IL1R1: variants seen among roughly 807,000 people sequenced by gnomAD.
IL1R1 encodes the protein interleukin-1 receptor type 1.
A neutral mutation model predicts 50.2 loss-of-function variants in IL1R1; 22 were observed. That is an observed-to-expected ratio of 0.44 (90% confidence interval 0.31 to 0.63). The LOEUF (loss-of-function observed/expected upper bound fraction) is 0.63. IL1R1 is among the 20% of genes least tolerant of loss of function. The probability of loss-of-function intolerance (pLI) is 0.07; values close to 1 mark genes in which losing one functional copy is unlikely to be tolerated. For synonymous variants in IL1R1, 251 were observed against 236.7 expected (o/e 1.06, Z -0.55); for missense variants, 509 against 676.2 (o/e 0.75, Z 2.74).
intron 1 of IL1R1, among the ~76,000 whole-genome samples, chr2:102,131,290 A>T (rs1026215798): frequency 9.2e-5 from 14 of 152,226 alleles, no homozygotes; most frequent in African/African-American, 3.4e-4. Context: ...ATCCTAAGAC[A>T]CAAAAATATT....
At chr2:102,095,267 T>A (rs1679847913) in intron 1 of IL1R1, among the ~76,000 whole-genome samples, 1 of 152,202 alleles carries the variant, frequency 6.6e-6, no homozygotes. Flanking sequence ...CAACTTGTGT[T>A]ATGGCAAAAA....
At chr2:102,120,049 C>A (rs1172171416) in intron 1 of IL1R1, among the ~76,000 whole-genome samples, 4 of 152,140 alleles carry the variant, frequency 2.6e-5, no homozygotes, top group Admixed American at 2.0e-4. Flanking sequence ...CAAACCTCCC[C>A]CTGAGCTATC....
chr2:102,151,469 C>A (rs1394872281), intron 1 of IL1R1, among the ~76,000 whole-genome samples: 1 of 152,134 alleles, frequency 6.6e-6, no homozygotes, highest in Non-Finnish European at 1.5e-5. Flanking sequence ...TCCTTCCTTT[C>A]TTCCACAAGT....
intron 3 of IL1R1, among the ~76,000 whole-genome samples, chr2:102,160,125 A>G (rs1443703956): frequency 2.0e-5 from 3 of 152,194 alleles, no homozygotes; most frequent in Admixed American, 2.0e-4. Context: ...AATCCAGGCT[A>G]TCTACTTCTT....
chr2:102,159,117 G>A (rs1684470716), intron 3 of IL1R1, among the ~76,000 whole-genome samples: 1 of 152,210 alleles, frequency 6.6e-6, no homozygotes, highest in Admixed American at 6.5e-5. Context: ...GACTGGATGT[G>A]TTAAGTTTAG....
upstream of IL1R1, among the ~76,000 whole-genome samples, chr2:102,100,827 T>C (rs924813991): frequency 1.3e-5 from 2 of 152,130 alleles, no homozygotes; most frequent in African/African-American, 4.8e-5. Context: ...CCCCGGAGGT[T>C]TGATAGAAAG....
In IL1R1 at chr2:102,172,705, CAAA is replaced by C. The variant is rs1685796789; in HGVS notation, c.860_862del (p.Lys287del). 6.2e-7 allele frequency: 1 copy of C among 1,603,296 alleles called. No individual in the cohort carries two copies. Among genetic ancestry groups the C allele is most frequent in the East Asian group, 2.2e-5 (1 of 44,780 alleles). On this transcript the variant is annotated inframe_deletion, in exon 9 of 12. Coordinates refer to ENST00000410023, the MANE Select transcript of IL1R1 (RefSeq NM_000877.4). ...CGAATAGTGTGGAAAATCCTGCAAA[CAAA>C]AGAAGGAGTACCCTCATCACAGTGC...
intron 1 of IL1R1, among the ~76,000 whole-genome samples, chr2:102,087,209 T>G (rs1679467152): frequency 6.6e-6 from 1 of 152,214 alleles, no homozygotes; most frequent in Non-Finnish European, 1.5e-5. Flanking sequence ...GTTGTAATCT[T>G]TTTGCTAGTG....
rs971002188 is a variant in IL1R1, at chr2:102,172,943, C to T, written c.991+105C>T. The T allele has an allele frequency of 2.0e-4, 150 of 742,452 alleles. No individual in the cohort carries two copies. The East Asian group carries it at 3.8e-3, about 19-fold the overall frequency. The allele number at this position is 742,452 out of a possible 1,614,324, so 46.0% of individuals were successfully genotyped here. A position where few individuals can be genotyped will look rare whatever the true frequency, so the allele number is the denominator to read the frequency against. On this transcript the variant is annotated intron_variant, in intron 9 of 11. Transcript: ENST00000410023. ...CCTCTGCTTAGAACACGCTTCACTT[C>T]CTCATTACTTGGGTAACTTCTATTT...
Position 102,081,392 on chromosome 2 carries a change from G to A in IL1R1, c.-84+10859G>A, listed in dbSNP as rs112896053. Among the ~76,000 whole-genome samples, 1,103 of 152,256 alleles carry A rather than the reference G, an allele frequency of 7.2e-3. 13 individuals carry two copies. Among genetic ancestry groups the A allele is most frequent in the African/African-American group, 0.024 (992 of 41,534 alleles). Reference sequence around the variant, plus strand: ...TGGCCTGCATCTGGTGCTCTCCCAAGATCCATGGAAATAATCTTCCAACCT... The same window carrying A: ...TGGCCTGCATCTGGTGCTCTCCCAAAATCCATGGAAATAATCTTCCAACCT... On this transcript the variant is annotated intron_variant, in intron 1 of 11. Coordinates refer to the IL1R1 transcript ENST00000409929.
At chr2:102,175,223 G>C (rs941002802) in intron 10 of IL1R1, among the ~76,000 whole-genome samples, 2 of 152,118 alleles carry the variant, frequency 1.3e-5, no homozygotes, top group Admixed American at 1.3e-4. Context: ...AGACTTTAAG[G>C]ATGGCTCTAT....
At chr2:102,084,048 T>C (rs1679334211) in intron 1 of IL1R1, among the ~76,000 whole-genome samples, 1 of 152,120 alleles carries the variant, frequency 6.6e-6, no homozygotes, top group Admixed American at 6.5e-5. Flanking sequence ...TCATAGCGAC[T>C]CTGAATCTCT....
chr2:102,176,078 C>T, intron 11 of IL1R1: 2 of 459,586 alleles, frequency 4.4e-6, no homozygotes, highest in Non-Finnish European at 7.7e-6. Flanking sequence ...CAGTACAACC[C>T]TGGGAGGCCA....
Position 102,133,243 on chromosome 2 carries a change from C to CAAAAA in IL1R1, c.-83-20683_-83-20679dup, listed in dbSNP as rs70946673. On this transcript the variant is annotated intron_variant, in intron 1 of 10. Coordinates refer to the IL1R1 transcript ENST00000409329. ...TGGGCGACAGAGCAAGACTCTGTCTCAAAAAAAAAAAAAAAAAAATCTTCC... is the reference window on the plus strand; with the variant it reads ...TGGGCGACAGAGCAAGACTCTGTCTCAAAAAAAAAAAAAAAAAAAAAAAATCTTCC... 6.8e-4 allele frequency among the ~76,000 whole-genome samples: 80 copies of CAAAAA among 116,818 alleles called. 1 individual carries two copies. Among genetic ancestry groups the CAAAAA allele is most frequent in the Non-Finnish European group, 8.0e-4 (46 of 57,242 alleles). The allele number at this position is 116,818 out of a possible 152,430, so 76.6% of individuals were successfully genotyped here. A position where few individuals can be genotyped will look rare whatever the true frequency, so the allele number is the denominator to read the frequency against.
chr2:102,083,486 G>A (rs1229332247), intron 1 of IL1R1, among the ~76,000 whole-genome samples: 2 of 152,120 alleles, frequency 1.3e-5, no homozygotes, highest in Non-Finnish European at 2.9e-5. Flanking sequence ...GAGTGGTCAA[G>A]GGTAATCCCT....
At chr2:102,083,309 G>A (rs986709412) in intron 1 of IL1R1, among the ~76,000 whole-genome samples, 5 of 152,166 alleles carry the variant, frequency 3.3e-5, no homozygotes, top group South Asian at 2.1e-4. Context: ...CTGATGACTC[G>A]TACTGACAGT....
intron 7 of IL1R1, 33 bp downstream of exon 7, chr2:102,168,696 C>CA: frequency 2.2e-6 from 3 of 1,380,262 alleles, no homozygotes; most frequent in Non-Finnish European, 3.0e-6. Flanking sequence ...ATGCTGGAAT[C>CA]GGTTTTTTTT....
intron 1 of IL1R1, among the ~76,000 whole-genome samples, chr2:102,079,770 G>T (rs1377495871): frequency 1.3e-5 from 2 of 152,078 alleles, no homozygotes; most frequent in Non-Finnish European, 2.9e-5. Context: ...AAATGCAAAG[G>T]ATGGAGAATA....
upstream of IL1R1, among the ~76,000 whole-genome samples, chr2:102,100,091 G>A (rs1250262452): frequency 6.6e-6 from 1 of 152,170 alleles, no homozygotes; most frequent in African/African-American, 2.4e-5. Context: ...CTGCATTCAA[G>A]GCCTCCAGGA....
Sources: allele counts gnomAD v4.1 joint callset (sites outside exome capture counted in the v4.1 genomes callset), GRCh38; gene constraint gnomAD v4.1.1; transcripts MANE v1.5; gene names NCBI Gene and HGNC (gene_info 2026-07-23, HGNC 2026-07-21).